C2orf69: variants seen among roughly 807,000 people sequenced by gnomAD.
The protein encoded by C2orf69 is chromosome 2 open reading frame 69, also known as mitochondrial protein C2orf69.
A neutral mutation model predicts 29.5 loss-of-function variants in C2orf69; 19 were observed. The observed-to-expected ratio is 0.65, with a 90% CI of 0.45 to 0.95. C2orf69 has a LOEUF of 0.95. Among genes scored for constraint, C2orf69 ranks in the 40% least tolerant of loss-of-function variants. The pLI, the probability that C2orf69 is intolerant of heterozygous loss-of-function variation, is 0.00. For synonymous variants in C2orf69, 194 were observed against 180.0 expected (o/e 1.08, Z -0.62); for missense variants, 416 against 482.1 (o/e 0.86, Z 1.28).
intron 1 of C2orf69, among the ~76,000 whole-genome samples, chr2:199,921,109 C>T (rs1464965925): frequency 1.5e-5 from 2 of 136,242 alleles, no homozygotes; most frequent in African/African-American, 2.8e-5. Context: ...TGGGTTCAAG[C>T]GATTCTTCTG....
At chr2:199,917,336 C>T (rs1292865843) in intron 1 of C2orf69, among the ~76,000 whole-genome samples, 1 of 152,228 alleles carries the variant, frequency 6.6e-6, no homozygotes, top group Non-Finnish European at 1.5e-5. Context: ...GAACATTTGG[C>T]TCCTCGTTAC....
Position 199,925,069 on chromosome 2 carries a change from A to G in C2orf69, c.341A>G (p.His114Arg). The part of the protein sequence containing the change: ...LYFPGDVQNY[H>R]EIMTRHPENY... ...ATCTTTCTTACCTTTCAGAATTACC[A>G]TGAAATTATGACTCGTCATCCTGAG... The change falls in exon 2 of 2, where the codon CAT (histidine) becomes CGT (arginine). Residue 114 changes from histidine (H) to arginine (R), a missense_variant. Coordinates refer to ENST00000319974, the MANE Select transcript of C2orf69 (RefSeq NM_153689.6). The surrounding 1 kb of genome is among the most constrained non-coding windows in gnomAD (Gnocchi z 4.9). The G allele has an allele frequency of 6.3e-7, 1 of 1,584,026 alleles. No homozygotes were observed.
In C2orf69 at chr2:199,925,994, G is replaced by A; in HGVS notation, c.*108G>A. Reference sequence around the variant, plus strand: ...TTCATAGCTGCATTGTCAGTTTTGGGGTATGGGGGGAAGCACACATTCCTA... The same window carrying A: ...TTCATAGCTGCATTGTCAGTTTTGGAGTATGGGGGGAAGCACACATTCCTA... On this transcript the variant is annotated 3_prime_UTR_variant, in exon 2 of 2. Coordinates refer to ENST00000319974, the MANE Select transcript of C2orf69 (RefSeq NM_153689.6). The surrounding 1 kb of genome is among the most constrained non-coding windows in gnomAD (Gnocchi z 4.9). 1 of 726,574 alleles carries A rather than the reference G, an allele frequency of 1.4e-6. No individual in the cohort carries two copies. The highest frequency in any genetic ancestry group is 2.2e-6 in the Non-Finnish European group (1 of 450,136). The allele number at this position is 726,574 out of a possible 1,614,324, so 45.0% of individuals were successfully genotyped here.
intron 1 of C2orf69, among the ~76,000 whole-genome samples, chr2:199,917,998 A>T (rs1420470374): frequency 6.6e-6 from 1 of 152,204 alleles, no homozygotes; most frequent in Non-Finnish European, 1.5e-5. Context: ...TGGTGGTAGG[A>T]AAGAGAATGA....
chr2:199,912,377 G>T (rs2077267983), intron 1 of C2orf69, among the ~76,000 whole-genome samples: 1 of 152,164 alleles, frequency 6.6e-6, no homozygotes, highest in South Asian at 2.1e-4. Context: ...CCGTGGTTAT[G>T]TTGCCCTGAA....
chr2:199,917,972 C>G (rs1167642041), intron 1 of C2orf69, among the ~76,000 whole-genome samples: 4 of 152,198 alleles, frequency 2.6e-5, no homozygotes, highest in Admixed American at 1.3e-4. Flanking sequence ...GGGAAGCAAA[C>G]ATGCCCTTCT....
rs2077332051 is a variant in C2orf69, at chr2:199,925,454, T to C, written c.726T>C (p.Asp242=). The change falls in exon 2 of 2, where the codon GAT becomes GAC. Residue 242 remains aspartate, a synonymous_variant. Coordinates refer to ENST00000319974, the MANE Select transcript of C2orf69 (RefSeq NM_153689.6). This position sits in a 1 kb window ranked among gnomAD's most constrained non-coding sequence, Gnocchi z 4.9. ...AAGTGAGGACCTGTGAAAAATCTGA[T>C]GAGTCTGCCATGAGTTTTTATCCAC... is the stretch of plus-strand genomic sequence containing the variant. ...GEKVRTCEKS[D]ESAMSFYPPS... 6.2e-7 allele frequency: 1 copy of C among 1,613,720 alleles called. No homozygotes were observed. The highest frequency in any genetic ancestry group is 1.3e-5 in the African/African-American group (1 of 74,940).
chr2:199,924,268 G>A (rs2077327871), intron 1 of C2orf69, among the ~76,000 whole-genome samples: 1 of 152,142 alleles, frequency 6.6e-6, no homozygotes, highest in Non-Finnish European at 1.5e-5. Flanking sequence ...TTAGCCACAA[G>A]TGATGATATG....
rs1274720233 is a variant in C2orf69 at position 199,926,285 on chromosome 2, A to T, written c.*399A>T. 1 of 162,988 alleles carries T rather than the reference A, an allele frequency of 6.1e-6. No individual in the cohort carries two copies. Among genetic ancestry groups the T allele is most frequent in the African/African-American group, 2.4e-5 (1 of 41,652 alleles). The allele number at this position is 162,988 out of a possible 1,614,324, so 10.1% of individuals were successfully genotyped here. A position where few individuals can be genotyped will look rare whatever the true frequency, so the allele number is the denominator to read the frequency against. Reference sequence around the variant, plus strand: ...AACAGTAATTAGCTATTTTGAGTGGAAATATTTTCATTTCTCTTCAAACAA... The same window carrying T: ...AACAGTAATTAGCTATTTTGAGTGGTAATATTTTCATTTCTCTTCAAACAA... On this transcript the variant is annotated 3_prime_UTR_variant, in exon 2 of 2. Transcript: ENST00000319974.
At chr2:199,919,401 C>T (rs1264564540) in intron 1 of C2orf69, among the ~76,000 whole-genome samples, 3 of 152,208 alleles carry the variant, frequency 2.0e-5, no homozygotes, top group African/African-American at 2.4e-5. Flanking sequence ...GATCTATAGA[C>T]GATCATGCCC....
intron 1 of C2orf69, among the ~76,000 whole-genome samples, chr2:199,913,246 T>TAG (rs1199560057): frequency 1.1e-5 from 1 of 94,194 alleles, no homozygotes; most frequent in Non-Finnish European, 1.9e-5. Flanking sequence ...ATATATAATA[T>TAG]ATATTATATA....
At chr2:199,913,400 T>TCTATTATG (rs2077280447) in intron 1 of C2orf69, among the ~76,000 whole-genome samples, 5 of 83,324 alleles carry the variant, frequency 6.0e-5, no homozygotes, top group African/African-American at 2.4e-4. Flanking sequence ...TAACATATAT[T>TCTATTATG]ATATATAATA....
In C2orf69 at chr2:199,926,319, GT is replaced by G. The variant is rs2077334921; in HGVS notation, c.*434del. 6.2e-6 allele frequency: 1 copy of G among 160,910 alleles called. No individual in the cohort carries two copies. Among genetic ancestry groups the G allele is most frequent in the Non-Finnish European group, 1.4e-5 (1 of 72,584 alleles). 10.0% of individuals were successfully genotyped at this position (160,910 alleles called of 1,614,324 possible). On this transcript the variant is annotated 3_prime_UTR_variant, in exon 2 of 2. Transcript: ENST00000319974. ...CATTTCTCTTCAAACAAAAGCAAAGGTACGATGCTGTTTTCTATCATTTTGG... is the reference window on the plus strand; with the variant it reads ...CATTTCTCTTCAAACAAAAGCAAAGGACGATGCTGTTTTCTATCATTTTGG...
intron 1 of C2orf69, among the ~76,000 whole-genome samples, chr2:199,921,251 C>A (rs915746666): frequency 6.6e-6 from 1 of 151,934 alleles, no homozygotes; most frequent in African/African-American, 2.4e-5. Flanking sequence ...CGTGATCCGC[C>A]TGGCTCGGCC....
Position 199,911,578 on chromosome 2 carries a change from C to T in C2orf69, c.140C>T (p.Ala47Val), listed in dbSNP as rs2077259395. Residue 47 changes from alanine to valine, a missense_variant, in exon 1 of 2, where the codon GCC becomes GTC. By Grantham distance (64) the Ala-to-Val change is moderately conservative. Around this residue, in one of 4 missense-constraint regions of C2orf69, gnomAD observed 175 missense variants for 139.9 expected, o/e 1.25. Transcript: ENST00000319974. The part of the protein sequence containing the change: ...GSGGARCSLS[A>V]EVRRRQCLQL... ...GGCGGCGCGCGATGCTCCCTCTCGG[C>T]CGAGGTGCGCCGCCGTCAGTGCCTG... 1.3e-6 allele frequency: 2 copies of T among 1,549,516 alleles called. No homozygotes were observed. The highest frequency in any genetic ancestry group is 1.4e-5 in the African/African-American group (1 of 73,040).
intron 1 of C2orf69, among the ~76,000 whole-genome samples, chr2:199,922,711 C>CT (rs1380462799): frequency 2.0e-5 from 3 of 152,132 alleles, no homozygotes; most frequent in African/African-American, 4.8e-5. Flanking sequence ...CCTGTTGACT[C>CT]TAACTCCAAA....
intron 1 of C2orf69, among the ~76,000 whole-genome samples, chr2:199,921,036 T>C (rs1334122995): frequency 2.2e-4 from 28 of 125,664 alleles, no homozygotes; most frequent in African/African-American, 8.2e-4. Context: ...AGGTGGAGTC[T>C]TGCTCTGTTA....
intron 1 of C2orf69, among the ~76,000 whole-genome samples, chr2:199,913,036 A>G (rs1385098995): frequency 6.7e-6 from 1 of 149,226 alleles, no homozygotes; most frequent in Non-Finnish European, 1.5e-5. Flanking sequence ...GAGTCAGATA[A>G]TGATTAAGAT....
chr2:199,911,373 G>T lies in C2orf69; in HGVS notation c.-66G>T. ...TGAGCCGCCGGCTGAGCCGCCTGCTGAAGTCCCTCCCTCAGGAACCCCTCC... is the reference window on the plus strand; with the variant it reads ...TGAGCCGCCGGCTGAGCCGCCTGCTTAAGTCCCTCCCTCAGGAACCCCTCC... On this transcript the variant is annotated 5_prime_UTR_variant, in exon 1 of 2. Transcript: ENST00000319974. 7.2e-7 allele frequency: 1 copy of T among 1,390,740 alleles called. No individual in the cohort carries two copies. The highest frequency in any genetic ancestry group is 9.3e-7 in the Non-Finnish European group (1 of 1,077,954). 86.1% of individuals were successfully genotyped at this position (1,390,740 alleles called of 1,614,324 possible).
Sources: gnomAD v4.1 joint callset for allele counts (sites outside exome capture counted in the v4.1 genomes callset) on GRCh38, gnomAD v4.1.1 for gene constraint, gnomAD v4.1.1 regional missense constraint, Gnocchi (gnomAD v3.1) non-coding constraint, MANE v1.5 for transcripts, NCBI Gene and HGNC (gene_info 2026-07-23, HGNC 2026-07-21) for gene names.